The following MIPOL1 variants were observed in gnomAD, a reference collection of about 807,000 sequenced individuals.
MIPOL1 encodes the protein mirror-image polydactyly 1.
In MIPOL1, 57 loss-of-function variants were observed where a neutral mutation model predicts 60.9. That is an observed-to-expected ratio of 0.94 (90% confidence interval 0.76 to 1.17). The LOEUF (loss-of-function observed/expected upper bound fraction) is 1.17, where lower values mean the gene tolerates loss of function less well. Ranked by LOEUF, MIPOL1 falls within the 50% of genes most tolerant of loss-of-function variation. The pLI, the probability that MIPOL1 is intolerant of heterozygous loss-of-function variation, is 0.00. For missense variants in MIPOL1, 551 were observed against 511.6 expected (o/e 1.08, Z -0.74); for synonymous variants, 179 against 168.8 (o/e 1.06, Z -0.47).
intron 10 of MIPOL1, among the ~76,000 whole-genome samples, chr14:37,418,586 G>A (rs1001369373): frequency 6.6e-6 from 1 of 152,082 alleles, no homozygotes; most frequent in African/African-American, 2.4e-5. Flanking sequence ...AATGTATACA[G>A]TGGTATAAAA....
In MIPOL1 at chr14:37,546,983, C is replaced by T. The variant is rs550242684; in HGVS notation, c.*12C>T. ...GGACAGTGATCTGATTGAAAAAAAACGACAGTCTGGGGAAGCGATCACATC... is the reference window on the plus strand; with the variant it reads ...GGACAGTGATCTGATTGAAAAAAAATGACAGTCTGGGGAAGCGATCACATC... On this transcript the variant is annotated 3_prime_UTR_variant, in exon 13 of 13. Coordinates refer to ENST00000684589, the MANE Select transcript of MIPOL1 (RefSeq NM_001388067.1). 14 of 1,546,064 alleles carry T rather than the reference C, an allele frequency of 9.1e-6. No individual in the cohort carries two copies. The highest frequency in any genetic ancestry group is 2.7e-5 in the African/African-American group (2 of 74,688).
intron 9 of MIPOL1, among the ~76,000 whole-genome samples, chr14:37,334,247 T>C (rs935342948): frequency 1.1e-4 from 17 of 152,192 alleles, no homozygotes; most frequent in African/African-American, 3.8e-4. Flanking sequence ...AAAGAATTTA[T>C]TCATCTGGGT....
At chr14:37,233,922 T>G (rs181386892) in intron 1 of MIPOL1, among the ~76,000 whole-genome samples, 1 of 152,356 alleles carries the variant, frequency 6.6e-6, no homozygotes, top group African/African-American at 2.4e-5. Flanking sequence ...CAGTCCACTT[T>G]TGCTTTGACT....
chr14:37,330,381 A>G (rs1383818776), intron 9 of MIPOL1, among the ~76,000 whole-genome samples: 2 of 152,122 alleles, frequency 1.3e-5, no homozygotes, highest in Non-Finnish European at 2.9e-5. Flanking sequence ...GGTTTTAGTT[A>G]AATATTCTAA....
At chr14:37,228,603 T>C (rs551451829) in intron 1 of MIPOL1, among the ~76,000 whole-genome samples, 1 of 152,324 alleles carries the variant, frequency 6.6e-6, no homozygotes, top group Admixed American at 6.5e-5. Flanking sequence ...TGTATTGGGT[T>C]ACCTATGAAA....
chr14:37,238,452 T>G (rs1324352061), intron 1 of MIPOL1, among the ~76,000 whole-genome samples: 1 of 152,176 alleles, frequency 6.6e-6, no homozygotes, highest in Non-Finnish European at 1.5e-5. Flanking sequence ...ATATAATGTT[T>G]GTCTTTTTGT....
chr14:37,426,531 A>G (rs535527909), intron 11 of MIPOL1, among the ~76,000 whole-genome samples: 10 of 143,580 alleles, frequency 7.0e-5, no homozygotes, highest in Admixed American at 5.0e-4. Flanking sequence ...ATTGCACTCC[A>G]GCCTGGGCAA....
intron 1 of MIPOL1, among the ~76,000 whole-genome samples, chr14:37,214,951 GCCCACCC>G (rs1567015589): frequency 6.6e-6 from 1 of 151,940 alleles, no homozygotes; most frequent in African/African-American, 2.4e-5. Context: ...CATCAGTCAG[GCCCACCC>G]GCAGTTATCC....
At chr14:37,416,190 A>C (rs759311577) in intron 10 of MIPOL1, among the ~76,000 whole-genome samples, 1 of 152,194 alleles carries the variant, frequency 6.6e-6, no homozygotes, top group African/African-American at 2.4e-5. Context: ...AGAGAATTCA[A>C]CTTAAACTAT....
rs1319896114 is a variant in MIPOL1 at position 37,549,274 on chromosome 14, A to G, written c.*2303A>G. The G allele has an allele frequency of 6.6e-6, 1 of 151,948 alleles. No homozygotes were observed. The highest frequency in any genetic ancestry group is 1.5e-5 in the Non-Finnish European group (1 of 67,818). 9.4% of individuals were successfully genotyped at this position (151,948 alleles called of 1,614,324 possible). On this transcript the variant is annotated 3_prime_UTR_variant, in exon 13 of 13. Transcript: ENST00000684589. ...TGAGAATTCACTTCTTCTTGTAAAAATAAGTAATTTACAGGAAAGGCAAAA... is the reference window on the plus strand; with the variant it reads ...TGAGAATTCACTTCTTCTTGTAAAAGTAAGTAATTTACAGGAAAGGCAAAA...
chr14:37,296,667 C>G (rs1449808418), intron 7 of MIPOL1, among the ~76,000 whole-genome samples: 1 of 152,144 alleles, frequency 6.6e-6, no homozygotes, highest in African/African-American at 2.4e-5. Context: ...TCAGAAAATA[C>G]TATAAACACC....
At chr14:37,357,844 G>GT (rs757794958) in intron 9 of MIPOL1, among the ~76,000 whole-genome samples, 5 of 151,136 alleles carry the variant, frequency 3.3e-5, no homozygotes, top group Non-Finnish European at 7.4e-5. Context: ...TTCTTTTTTT[G>GT]TTTTTTTAAT....
chr14:37,366,893 C>A (rs956490533), intron 9 of MIPOL1, among the ~76,000 whole-genome samples: 1 of 151,982 alleles, frequency 6.6e-6, no homozygotes, highest in Admixed American at 6.6e-5. Flanking sequence ...ACCACTTTAT[C>A]ATTATATAAT....
At chr14:37,408,958 A>G (rs1209887014) in intron 10 of MIPOL1, among the ~76,000 whole-genome samples, 2 of 152,212 alleles carry the variant, frequency 1.3e-5, no homozygotes, top group African/African-American at 4.8e-5. Context: ...ATAAGCACAC[A>G]GAAGGGCCAC....
intron 10 of MIPOL1, among the ~76,000 whole-genome samples, chr14:37,421,538 T>C (rs1023753848): frequency 6.6e-6 from 1 of 152,128 alleles, no homozygotes; most frequent in Non-Finnish European, 1.5e-5. Context: ...CAGCCATCTA[T>C]TTTTACTTTA....
intron 9 of MIPOL1, among the ~76,000 whole-genome samples, chr14:37,326,590 G>T (rs1438608823): frequency 1.3e-5 from 2 of 152,206 alleles, no homozygotes; most frequent in East Asian, 3.9e-4. Flanking sequence ...GGAGCTCAGT[G>T]CTGGTCTGTA....
At chr14:37,263,205 T>G (rs1466059295) in intron 3 of MIPOL1, among the ~76,000 whole-genome samples, 3 of 152,156 alleles carry the variant, frequency 2.0e-5, no homozygotes, top group Non-Finnish European at 2.9e-5. Flanking sequence ...GCATTAGCAT[T>G]GAGACAGTTA....
At chr14:37,199,618 G>A (rs948878945) in intron 1 of MIPOL1, among the ~76,000 whole-genome samples, 2 of 151,744 alleles carry the variant, frequency 1.3e-5, no homozygotes, top group East Asian at 1.9e-4. Context: ...TCCGCCTCCC[G>A]GGATCAAGCA....
At chr14:37,207,048 G>A (rs1966203661) in intron 1 of MIPOL1, among the ~76,000 whole-genome samples, 1 of 152,162 alleles carries the variant, frequency 6.6e-6, no homozygotes, top group Non-Finnish European at 1.5e-5. Context: ...AGACATGATT[G>A]GTTTTGAAAT....
Sources: allele counts gnomAD v4.1 joint callset (sites outside exome capture counted in the v4.1 genomes callset), GRCh38; gene constraint gnomAD v4.1.1; transcripts MANE v1.5; gene names NCBI Gene and HGNC (gene_info 2026-07-23, HGNC 2026-07-21).